The following AKAP6 variants were observed in gnomAD, a reference collection of about 807,000 sequenced individuals.
AKAP6 encodes A-kinase anchor protein 6.
In AKAP6, 58 loss-of-function variants were observed where a neutral mutation model predicts 188.5. The ratio of observed to expected loss-of-function variants is 0.31; its 90% CI spans 0.25 to 0.38. The LOEUF is 0.38. AKAP6 is among the 10% of genes least tolerant of loss of function. The pLI is 1.00. For synonymous variants in AKAP6, 989 were observed against 998.6 expected (o/e 0.99, Z 0.18); for missense variants, 2,710 against 2,740.0 (o/e 0.99, Z 0.24).
chr14:32,574,719 A>G (rs1243006957), intron 4 of AKAP6, among the ~76,000 whole-genome samples: 1 of 152,194 alleles, frequency 6.6e-6, no homozygotes, highest in African/African-American at 2.4e-5. Context: ...ATAACAACAC[A>G]ATTCTAAATA....
At chr14:32,696,708 G>T (rs1327675257) in intron 9 of AKAP6, among the ~76,000 whole-genome samples, 1 of 151,884 alleles carries the variant, frequency 6.6e-6, no homozygotes, top group Non-Finnish European at 1.5e-5. Flanking sequence ...TTCCATGTTT[G>T]CTAATTCACC....
chr14:32,497,388 G>A (rs1880372890), intron 2 of AKAP6, among the ~76,000 whole-genome samples: 1 of 152,068 alleles, frequency 6.6e-6, no homozygotes, highest in Non-Finnish European at 1.5e-5. Flanking sequence ...GTATTTAGAA[G>A]TGCATTATTT....
intron 7 of AKAP6, among the ~76,000 whole-genome samples, chr14:32,659,762 C>T (rs1021574172): frequency 8.6e-5 from 13 of 151,918 alleles, no homozygotes; most frequent in Admixed American, 2.0e-4. Context: ...TAAGTATATA[C>T]AAATAGATTA....
rs1288790436 is a variant in AKAP6 at position 32,364,486 on chromosome 14, T to C, written c.-35+35078T>C. 2.0e-5 allele frequency among the ~76,000 whole-genome samples: 3 copies of C among 151,702 alleles called. No individual in the cohort carries two copies. In the East Asian group the frequency reaches 5.8e-4, roughly 29 times the overall value. On this transcript the variant is annotated intron_variant, in intron 1 of 13. Transcript: ENST00000280979. ...CCTACCCAATTTGTTGAAAGGGGGG[T>C]AGTGGGATTATTTTGGTGAATATCT...
chr14:32,492,413 T>TAC lies in AKAP6; in HGVS notation c.325-43140_325-43139dup, dbSNP rs1441328352. On this transcript the variant is annotated intron_variant, in intron 2 of 13. Coordinates refer to ENST00000280979, the MANE Select transcript of AKAP6 (RefSeq NM_004274.5). ...TTGGATACATGCATATATATATATA[T>TAC]ACCTCACATAACTTTCAGTGTGTGG... 3.9e-4 allele frequency among the ~76,000 whole-genome samples: 59 copies of TAC among 149,752 alleles called. 1 individual carries two copies. Among genetic ancestry groups the TAC allele is most frequent in the Admixed American group, 1.1e-3 (16 of 14,870 alleles).
intron 9 of AKAP6, among the ~76,000 whole-genome samples, chr14:32,725,537 T>G (rs2139806203): frequency 1.3e-5 from 2 of 152,336 alleles, no homozygotes; most frequent in East Asian, 3.9e-4. Flanking sequence ...GATTTCCGTT[T>G]GAGACAATTT....
chr14:32,579,864 A>AT (rs1469389233), intron 5 of AKAP6, among the ~76,000 whole-genome samples: 2 of 152,068 alleles, frequency 1.3e-5, no homozygotes, highest in Non-Finnish European at 2.9e-5. Context: ...TTGTTTTTTA[A>AT]TGAGGGGGCA....
intron 12 of AKAP6, among the ~76,000 whole-genome samples, chr14:32,801,491 T>C (rs1169089984): frequency 6.6e-6 from 1 of 152,222 alleles, no homozygotes; most frequent in Non-Finnish European, 1.5e-5. Context: ...TATGGCCTAA[T>C]CACCCAGTAC....
chr14:32,636,786 G>T lies in AKAP6; in HGVS notation c.2730+35994G>T, dbSNP rs542133587. 1.2e-3 allele frequency among the ~76,000 whole-genome samples: 189 copies of T among 152,214 alleles called. 2 individuals carry two copies. The highest frequency in any genetic ancestry group is 0.01 in the Middle Eastern group (3 of 294). On this transcript the variant is annotated intron_variant, in intron 7 of 13. Coordinates refer to ENST00000280979, the MANE Select transcript of AKAP6 (RefSeq NM_004274.5). ...GTAGGAGTAAGTGGCATAAGATGAGGCCAGGAGGCAAGAGAGGAGCAGACT... is the reference window on the plus strand; with the variant it reads ...GTAGGAGTAAGTGGCATAAGATGAGTCCAGGAGGCAAGAGAGGAGCAGACT...
At position 32,822,234 on chromosome 14, in the gene AKAP6, A is replaced by G; in HGVS notation, c.4421A>G (p.Gln1474Arg). 6.2e-7 allele frequency: 1 copy of G among 1,613,960 alleles called. No homozygotes were observed. Among genetic ancestry groups the G allele is most frequent in the Non-Finnish European group, 8.5e-7 (1 of 1,179,944 alleles). Residue 1474 changes from glutamine to arginine, a missense_variant, in exon 13 of 14, where the codon CAA (glutamine) becomes CGA (arginine). Transcript: ENST00000280979. ...ACATTTTATGATTACTCATACCTCC[A>G]AGGCTCAAAACTCAAATTACCAATG... Reference protein sequence around the residue: ...VFTFYDYSYLQGSKLKLPMIM... With the variant: ...VFTFYDYSYLRGSKLKLPMIM...
At chr14:32,753,531 T>C (rs1395053554) in intron 11 of AKAP6, among the ~76,000 whole-genome samples, 1 of 152,136 alleles carries the variant, frequency 6.6e-6, no homozygotes. Flanking sequence ...TTGATGTAAT[T>C]CTATCAATCT....
chr14:32,656,425 C>T (rs1018296333), intron 7 of AKAP6, among the ~76,000 whole-genome samples: 19 of 152,258 alleles, frequency 1.2e-4, no homozygotes, highest in Non-Finnish European at 1.2e-4. Flanking sequence ...ACAGTGGTTT[C>T]TCTCCTTCTT....
At chr14:32,338,053 T>G (rs537192679) in intron 1 of AKAP6, among the ~76,000 whole-genome samples, 134 of 152,234 alleles carry the variant, frequency 8.8e-4, no homozygotes, top group Non-Finnish European at 1.6e-3. Flanking sequence ...TCTGTTTTTT[T>G]TGTGTTTGTT....
intron 7 of AKAP6, among the ~76,000 whole-genome samples, chr14:32,671,365 AG>A (rs1889185610): frequency 6.6e-6 from 1 of 152,182 alleles, no homozygotes; most frequent in Admixed American, 6.5e-5. Context: ...GAGAAAGAGG[AG>A]GTTTGTTGTA....
chr14:32,664,969 C>A (rs1888858979), intron 7 of AKAP6, among the ~76,000 whole-genome samples: 1 of 152,136 alleles, frequency 6.6e-6, no homozygotes, highest in Admixed American at 6.6e-5. Flanking sequence ...TAATGCATTT[C>A]AATCTTTAAG....
rs1052728511 is a variant in AKAP6 at position 32,832,981 on chromosome 14, T to C, written c.*3176T>C. The C allele has an allele frequency of 2.0e-5, 3 of 152,668 alleles. No individual in the cohort carries two copies. Among genetic ancestry groups the C allele is most frequent in the South Asian group, 2.1e-4 (1 of 4,836 alleles). 9.5% of individuals were successfully genotyped at this position (152,668 alleles called of 1,614,324 possible). On this transcript the variant is annotated 3_prime_UTR_variant, in exon 14 of 14. Coordinates refer to ENST00000280979, the MANE Select transcript of AKAP6 (RefSeq NM_004274.5). ...GTAGAAAAGAATCTGAACATTTAAG[T>C]GCGAAGTTTTCTCTAGAAATATATT...
intron 1 of AKAP6, among the ~76,000 whole-genome samples, chr14:32,363,997 C>T (rs1269970044): frequency 6.6e-6 from 1 of 152,122 alleles, no homozygotes; most frequent in Non-Finnish European, 1.5e-5. Flanking sequence ...TAGCTGGTTT[C>T]CCCCAGTAGA....
intron 4 of AKAP6, among the ~76,000 whole-genome samples, chr14:32,548,137 T>G (rs1481432047): frequency 6.8e-6 from 1 of 147,404 alleles, no homozygotes; most frequent in Non-Finnish European, 1.5e-5. Flanking sequence ...GTTTTGCTCC[T>G]GTTGCCCAGG....
chr14:32,667,837 A>G (rs1048253279), intron 7 of AKAP6, among the ~76,000 whole-genome samples: 1 of 152,076 alleles, frequency 6.6e-6, no homozygotes, highest in Non-Finnish European at 1.5e-5. Context: ...TTTTCTCTCT[A>G]TCACCATTTA....
Sources: gnomAD v4.1 joint callset for allele counts (sites outside exome capture counted in the v4.1 genomes callset) on GRCh38, gnomAD v4.1.1 for gene constraint, MANE v1.5 for transcripts, NCBI Gene and HGNC (gene_info 2026-07-23, HGNC 2026-07-21) for gene names.